The following MAN2A1 variants were observed in gnomAD, a reference collection of about 807,000 sequenced individuals.
The protein encoded by MAN2A1 is alpha-mannosidase 2.
MAN2A1 carries 76 observed loss-of-function variants against 142.6 expected under a neutral mutation model. The ratio of observed to expected loss-of-function variants is 0.53; its 90% CI spans 0.44 to 0.65. MAN2A1 has a LOEUF of 0.65. Among genes scored for constraint, MAN2A1 ranks in the 30% least tolerant of loss-of-function variants. The pLI is 0.00. For missense variants in MAN2A1, 1,311 were observed against 1,365.1 expected (o/e 0.96, Z 0.62); for synonymous variants, 559 against 473.2 (o/e 1.18, Z -2.35).
chr5:109,835,716 A>G (rs1755040011), intron 16 of MAN2A1, among the ~76,000 whole-genome samples: 1 of 152,114 alleles, frequency 6.6e-6, no homozygotes, highest in Non-Finnish European at 1.5e-5. Context: ...TCACTCCTAT[A>G]ACTGGTTGAG....
At chr5:109,703,051 T>C (rs1357269402) in intron 1 of MAN2A1, among the ~76,000 whole-genome samples, 2 of 152,200 alleles carry the variant, frequency 1.3e-5, no homozygotes, top group Non-Finnish European at 2.9e-5. Context: ...ATAAATAAGG[T>C]TGAAGGGGGG....
intron 3 of MAN2A1, among the ~76,000 whole-genome samples, chr5:109,717,507 T>A (rs963897154): frequency 6.6e-6 from 1 of 152,222 alleles, no homozygotes; most frequent in African/African-American, 2.4e-5. Flanking sequence ...CACCTCACCT[T>A]CTGACTTGAT....
chr5:109,773,902 C>G (rs552858792), intron 7 of MAN2A1, among the ~76,000 whole-genome samples: 4 of 152,206 alleles, frequency 2.6e-5, no homozygotes, highest in African/African-American at 9.6e-5. Flanking sequence ...ATTTCTTAAG[C>G]TTTGTCTTTG....
intron 4 of MAN2A1, among the ~76,000 whole-genome samples, chr5:109,752,076 C>T (rs1307478952): frequency 1.3e-5 from 2 of 152,148 alleles, no homozygotes; most frequent in South Asian, 2.1e-4. Flanking sequence ...TTAATACTAC[C>T]ATTCCGTTAG....
chr5:109,763,365 T>C (rs527941210), intron 5 of MAN2A1, among the ~76,000 whole-genome samples: 2 of 152,236 alleles, frequency 1.3e-5, no homozygotes, highest in Admixed American at 1.3e-4. Context: ...TTCAGGGAGA[T>C]TTTCCCTTGG....
At chr5:109,765,320 C>G (rs539064929) in intron 5 of MAN2A1, among the ~76,000 whole-genome samples, 1 of 152,062 alleles carries the variant, frequency 6.6e-6, no homozygotes, top group South Asian at 2.1e-4. Flanking sequence ...TTGTAGAAGT[C>G]TCTCTATTTG....
chr5:109,718,084 C>T (rs187790522), intron 3 of MAN2A1, among the ~76,000 whole-genome samples: 1 of 152,256 alleles, frequency 6.6e-6, no homozygotes, highest in African/African-American at 2.4e-5. Context: ...GGCAGAGCCA[C>T]TTGTAATATC....
intron 4 of MAN2A1, 138 bp downstream of exon 4, chr5:109,729,651 T>C (rs538986449): frequency 1.0e-5 from 5 of 495,744 alleles, no homozygotes; most frequent in African/African-American, 4.0e-5. Flanking sequence ...ACCGTTTTCG[T>C]TGATTTTGGT....
At chr5:109,828,047 A>G (rs1435989977) in intron 16 of MAN2A1, among the ~76,000 whole-genome samples, 5 of 151,844 alleles carry the variant, frequency 3.3e-5, no homozygotes, top group Non-Finnish European at 7.4e-5. Flanking sequence ...GGAGGTTGCA[A>G]TGAGCCGAAA....
chr5:109,698,086 T>C (rs953105862), intron 1 of MAN2A1, among the ~76,000 whole-genome samples: 7 of 152,240 alleles, frequency 4.6e-5, no homozygotes, highest in African/African-American at 1.7e-4. Flanking sequence ...CTGAAAACCA[T>C]GACTTTATGA....
At chr5:109,768,950 G>T (rs545007747) in intron 6 of MAN2A1, among the ~76,000 whole-genome samples, 41 of 152,172 alleles carry the variant, frequency 2.7e-4, no homozygotes, top group Admixed American at 5.2e-4. Context: ...AGGAAGAAAT[G>T]TTGAAAACAT....
At chr5:109,853,346 AT>A (rs1755530499) in intron 19 of MAN2A1, among the ~76,000 whole-genome samples, 1 of 152,146 alleles carries the variant, frequency 6.6e-6, no homozygotes, top group Admixed American at 6.6e-5. Flanking sequence ...GATTGTGTAG[AT>A]TTGGGATAGG....
At chr5:109,764,737 G>A (rs1334493837) in intron 5 of MAN2A1, among the ~76,000 whole-genome samples, 1 of 152,076 alleles carries the variant, frequency 6.6e-6, no homozygotes, top group Non-Finnish European at 1.5e-5. Flanking sequence ...TAAATTGAAT[G>A]GACACTATAA....
chr5:109,856,756 A>C (rs1017199872), intron 20 of MAN2A1, among the ~76,000 whole-genome samples: 2 of 152,128 alleles, frequency 1.3e-5, no homozygotes, highest in Non-Finnish European at 2.9e-5. Flanking sequence ...AATAATGACT[A>C]CAAGCAAATG....
At chr5:109,820,176 A>T in intron 14 of MAN2A1, 44 bp from the exon 15 acceptor site, 2 of 1,521,820 alleles carry the variant, frequency 1.3e-6, no homozygotes, top group Non-Finnish European at 1.8e-6. Context: ...CATGCTTAAC[A>T]TCTTAGTGGT....
chr5:109,778,326 G>T (rs1753351559), intron 8 of MAN2A1, among the ~76,000 whole-genome samples: 1 of 151,946 alleles, frequency 6.6e-6, no homozygotes, highest in African/African-American at 2.4e-5. Flanking sequence ...GCATATATAT[G>T]TCTTCCTTTC....
At chr5:109,787,743 C>G (rs1436615026) in intron 10 of MAN2A1, among the ~76,000 whole-genome samples, 2 of 151,792 alleles carry the variant, frequency 1.3e-5, no homozygotes, top group African/African-American at 2.4e-5. Flanking sequence ...TAAAGATAGC[C>G]CTGTAGACAA....
chr5:109,713,533 T>A lies in MAN2A1; in HGVS notation c.149T>A (p.Met50Lys), dbSNP rs1212775904. The A allele has an allele frequency of 1.2e-6, 2 of 1,607,642 alleles. No homozygotes were observed. The highest frequency in any genetic ancestry group is 8.5e-7 in the Non-Finnish European group (1 of 1,175,034). The stretch of plus-strand genomic sequence containing the variant: ...TTTTTATTGTAGGGCCAGCTCTCAA[T>A]GTTGCAAGAAAAAATAGACCATTTG... ...EGSFPQGQLS[M>K]LQEKIDHLER... Residue 50 changes from methionine (M) to lysine (K), a missense_variant, in exon 2 of 22, where the codon ATG becomes AAG. This residue lies in a region of MAN2A1 where 409 missense variants were observed against 412.7 expected (regional missense o/e 0.99). Coordinates refer to ENST00000261483, the MANE Select transcript of MAN2A1 (RefSeq NM_002372.4).
chr5:109,818,905 G>A (rs769309516), intron 13 of MAN2A1, among the ~76,000 whole-genome samples: 1 of 152,156 alleles, frequency 6.6e-6, no homozygotes, highest in Non-Finnish European at 1.5e-5. Context: ...CCATGCCTTG[G>A]TATCTGTAGA....
Sources: allele counts gnomAD v4.1 joint callset (sites outside exome capture counted in the v4.1 genomes callset), GRCh38; gene constraint gnomAD v4.1.1; regional missense constraint gnomAD v4.1.1; transcripts MANE v1.5; gene names NCBI Gene and HGNC (gene_info 2026-07-23, HGNC 2026-07-21).